Variants in SYT1 observed in about 807,000 individuals in gnomAD.
SYT1 encodes synaptotagmin-1.
In SYT1, 8 loss-of-function variants were observed where a neutral mutation model predicts 44.8. The ratio of observed to expected loss-of-function variants is 0.18; its 90% confidence interval spans 0.10 to 0.32. The LOEUF is 0.32. Ranked by LOEUF, SYT1 falls within the 10% of genes least tolerant of loss-of-function variation. SYT1 has a pLI of 1.00. For synonymous variants in SYT1, 154 were observed against 188.8 expected (o/e 0.82, Z 1.51); for missense variants, 286 against 509.3 (o/e 0.56, Z 4.22).
At chr12:79,266,857 G>A (rs528974336) in intron 4 of SYT1, among the ~76,000 whole-genome samples, 2 of 152,252 alleles carry the variant, frequency 1.3e-5, no homozygotes, top group South Asian at 2.1e-4. Context: ...AAAATGTCCC[G>A]TGGATACTTA....
At chr12:79,139,633 CCTT>C (rs1355880031) in intron 3 of SYT1, among the ~76,000 whole-genome samples, 1 of 152,156 alleles carries the variant, frequency 6.6e-6, no homozygotes, top group Non-Finnish European at 1.5e-5. Flanking sequence ...ATGACATCCT[CCTT>C]CTATAATACC....
At chr12:79,086,231 C>T (rs1877371515) in intron 3 of SYT1, among the ~76,000 whole-genome samples, 1 of 151,856 alleles carries the variant, frequency 6.6e-6, no homozygotes, top group African/African-American at 2.4e-5. Flanking sequence ...TGAGAAAAAC[C>T]TAACACTTGT....
chr12:79,426,642 T>A (rs1869467778), intron 9 of SYT1, among the ~76,000 whole-genome samples: 3 of 152,156 alleles, frequency 2.0e-5, no homozygotes, highest in Non-Finnish European at 4.4e-5. Flanking sequence ...GCAGAACTGC[T>A]CACTCCAGGA....
At chr12:79,245,302 CAAAAA>C (rs61324842) in intron 4 of SYT1, among the ~76,000 whole-genome samples, 68,520 of 103,918 alleles carry the variant, frequency 0.66, 20,261 homozygotes, top group Admixed American at 0.7. Context: ...CCCGTCTCTA[CAAAAA>C]AAAAAAAAAA....
chr12:78,924,982 C>G (rs554589545), intron 1 of SYT1, among the ~76,000 whole-genome samples: 2 of 151,764 alleles, frequency 1.3e-5, no homozygotes, highest in East Asian at 3.9e-4. Flanking sequence ...GGAAGTAGGA[C>G]TTGAAATATT....
intron 2 of SYT1, among the ~76,000 whole-genome samples, chr12:79,040,521 T>C (rs529939722): frequency 1.3e-5 from 2 of 152,344 alleles, no homozygotes; most frequent in South Asian, 2.1e-4. Context: ...TTCTGGATAT[T>C]AGCCCTTTGA....
At chr12:79,307,865 G>A (rs1370197385) in intron 8 of SYT1, among the ~76,000 whole-genome samples, 12 of 152,206 alleles carry the variant, frequency 7.9e-5, no homozygotes, top group Non-Finnish European at 1.8e-4. Context: ...GTAAATGGCA[G>A]CTGCTGTGAT....
At chr12:78,979,784 G>A (rs549026460) in intron 2 of SYT1, among the ~76,000 whole-genome samples, 1 of 151,976 alleles carries the variant, frequency 6.6e-6, no homozygotes, top group Non-Finnish European at 1.5e-5. Context: ...GCCAAACAAT[G>A]AATGATAGTT....
At chr12:79,305,645 A>G (rs562214728) in intron 8 of SYT1, among the ~76,000 whole-genome samples, 1 of 152,192 alleles carries the variant, frequency 6.6e-6, no homozygotes, top group Non-Finnish European at 1.5e-5. Flanking sequence ...TAATGTGTCC[A>G]AGTTTACACG....
intron 1 of SYT1, among the ~76,000 whole-genome samples, chr12:78,931,424 GAA>G (rs1877740289): frequency 6.8e-6 from 1 of 146,104 alleles, no homozygotes; most frequent in Non-Finnish European, 1.5e-5. Flanking sequence ...AGGAAGGAAG[GAA>G]GGAAGGAAAA....
intron 4 of SYT1, among the ~76,000 whole-genome samples, chr12:79,220,823 T>A (rs1416824343): frequency 6.6e-6 from 1 of 152,194 alleles, no homozygotes; most frequent in Non-Finnish European, 1.5e-5. Flanking sequence ...TTCTTAAGTT[T>A]ATTAAGACTT....
intron 3 of SYT1, among the ~76,000 whole-genome samples, chr12:79,079,515 G>A (rs540684165): frequency 6.6e-6 from 1 of 151,864 alleles, no homozygotes; most frequent in East Asian, 1.9e-4. Context: ...TGATATATAT[G>A]TTGTTATTTA....
chr12:79,083,046 T>G (rs1877142903), intron 3 of SYT1, among the ~76,000 whole-genome samples: 1 of 144,248 alleles, frequency 6.9e-6, no homozygotes. Context: ...GTAAAAAACA[T>G]GAAAGAACAA....
At chr12:79,392,645 T>C (rs987317966) in intron 9 of SYT1, 6 of 151,752 alleles carry the variant, frequency 4.0e-5, no homozygotes, top group Non-Finnish European at 8.8e-5. Flanking sequence ...TCTGATGACA[T>C]AAAATTAAAA....
intron 3 of SYT1, among the ~76,000 whole-genome samples, chr12:79,103,663 T>G (rs908873901): frequency 6.6e-6 from 1 of 152,058 alleles, no homozygotes; most frequent in African/African-American, 2.4e-5. Flanking sequence ...AATATTAGAT[T>G]CATAGTGGCT....
intron 1 of SYT1, among the ~76,000 whole-genome samples, chr12:78,918,068 C>T (rs1194359266): frequency 6.6e-6 from 1 of 151,882 alleles, no homozygotes; most frequent in Non-Finnish European, 1.5e-5. Flanking sequence ...AAAAATAATG[C>T]CAGGATTTTT....
chr12:78,893,844 T>C (rs142589112), intron 1 of SYT1, among the ~76,000 whole-genome samples: 2 of 151,714 alleles, frequency 1.3e-5, no homozygotes, highest in East Asian at 3.9e-4. Context: ...AAGGCAATTA[T>C]AAAAAATAAT....
intron 3 of SYT1, among the ~76,000 whole-genome samples, chr12:79,051,139 C>G (rs1449203517): frequency 6.6e-6 from 1 of 151,372 alleles, no homozygotes; most frequent in East Asian, 1.9e-4. Context: ...TGTGTCGGAA[C>G]TGTTAAAAAA....
At chr12:78,879,225 G>A (rs1275145124) in intron 1 of SYT1, among the ~76,000 whole-genome samples, 2 of 151,768 alleles carry the variant, frequency 1.3e-5, no homozygotes, top group African/African-American at 4.8e-5. Context: ...AGGAGGTGAT[G>A]CATAAGATAC....
Sources: allele counts gnomAD v4.1 joint callset (sites outside exome capture counted in the v4.1 genomes callset), GRCh38; gene constraint gnomAD v4.1.1; transcripts MANE v1.5; gene names NCBI Gene and HGNC (gene_info 2026-07-23, HGNC 2026-07-21).